Variants in PKHD1L1 observed in about 807,000 individuals in gnomAD.
PKHD1L1 encodes the protein PKHD1 like 1.
Under a neutral mutation model 462.9 loss-of-function variants are expected in PKHD1L1, and 434 were observed. The observed-to-expected ratio is 0.94, with a 90% CI of 0.87 to 1.02. The LOEUF (loss-of-function observed/expected upper bound fraction) is 1.02. Among genes scored for constraint, PKHD1L1 ranks in the 50% least tolerant of loss-of-function variants. The pLI, the probability that PKHD1L1 is intolerant of heterozygous loss-of-function variation, is 0.00. For missense variants in PKHD1L1, 5,202 were observed against 5,096.1 expected (o/e 1.02, Z -0.63); for synonymous variants, 1,781 against 1,750.0 (o/e 1.02, Z -0.44).
chr8:109,362,734 G>A (rs1313844685), intron 1 of PKHD1L1, 81 bp downstream of exon 1: 3 of 1,452,806 alleles, frequency 2.1e-6, no homozygotes, highest in African/African-American at 2.8e-5. Context: ...CCTGGGAGAG[G>A]CAGGACCACC....
At chr8:109,471,893 G>T (rs927403414) in intron 50 of PKHD1L1, among the ~76,000 whole-genome samples, 1 of 152,008 alleles carries the variant, frequency 6.6e-6, no homozygotes, top group African/African-American at 2.4e-5. Flanking sequence ...ATGGTTTGTT[G>T]CCTACCTAGC....
chr8:109,379,044 G>A (rs1342695731), intron 2 of PKHD1L1, among the ~76,000 whole-genome samples: 1 of 152,148 alleles, frequency 6.6e-6, no homozygotes, highest in Non-Finnish European at 1.5e-5. Flanking sequence ...TGGCCATGGG[G>A]TGGAGGCCAT....
chr8:109,400,292 G>A lies in PKHD1L1; in HGVS notation c.1229G>A (p.Gly410Asp). The A allele has an allele frequency of 1.2e-6, 2 of 1,613,474 alleles. No homozygotes were observed. Among genetic ancestry groups the A allele is most frequent in the African/African-American group, 1.3e-5 (1 of 74,996 alleles). ...GATGTTTATAGATTCTACATCAAGG[G>A]TGATGACCGTTATGCTATTTATTTT... is the stretch of plus-strand genomic sequence containing the variant. ...DSDVYRFYIK[G>D]DDRYAIYFSQ... Residue 410 changes from glycine to aspartate, a missense_variant, in exon 13 of 78, where the codon GGT becomes GAT. Around this residue, in one of 3 missense-constraint regions of PKHD1L1, gnomAD observed 4,497 missense variants for 4,336.8 expected, o/e 1.04. Transcript: ENST00000378402.
At chr8:109,417,623 A>G (rs1280599824) in intron 21 of PKHD1L1, among the ~76,000 whole-genome samples, 1 of 152,028 alleles carries the variant, frequency 6.6e-6, no homozygotes, top group Non-Finnish European at 1.5e-5. Flanking sequence ...AGCTCACTGC[A>G]ACCTCCACCT....
At chr8:109,399,513 C>T (rs112581739) in intron 12 of PKHD1L1, among the ~76,000 whole-genome samples, 1,708 of 152,018 alleles carry the variant, frequency 0.011, 37 homozygotes, top group African/African-American at 0.039. Flanking sequence ...TGAGAGTATC[C>T]TGTTTTTGAT....
intron 31 of PKHD1L1, 32 bp downstream of exon 31, chr8:109,438,488 G>A: frequency 6.6e-7 from 1 of 1,506,700 alleles, no homozygotes; most frequent in Non-Finnish European, 8.9e-7. Context: ...TTGGTCATTT[G>A]TCCTATGTAT....
chr8:109,391,749 G>A (rs1304615670), intron 9 of PKHD1L1, among the ~76,000 whole-genome samples: 2 of 152,162 alleles, frequency 1.3e-5, no homozygotes, highest in Non-Finnish European at 2.9e-5. Flanking sequence ...CTAAGTAGAT[G>A]TTATTCCTAG....
intron 40 of PKHD1L1, among the ~76,000 whole-genome samples, chr8:109,449,842 T>C (rs1816382809): frequency 6.6e-6 from 1 of 152,218 alleles, no homozygotes. Context: ...TCAACGCCGA[T>C]AGTGCATTGC....
Position 109,532,823 on chromosome 8 carries a change from A to G in PKHD1L1, c.*2733A>G, listed in dbSNP as rs1327328987. Among the ~76,000 whole-genome samples the G allele has an allele frequency of 6.6e-6, 1 of 152,156 alleles. No homozygotes were observed. Among genetic ancestry groups the G allele is most frequent in the Non-Finnish European group, 1.5e-5 (1 of 68,022 alleles). On this transcript the variant is annotated 3_prime_UTR_variant, in exon 78 of 78. Transcript: ENST00000378402. Reference sequence around the variant, plus strand: ...TCTGTTTTTACCTTTTATCCATTTTATCCCCAAAAGTGCTATTTAAAATAT... The same window carrying G: ...TCTGTTTTTACCTTTTATCCATTTTGTCCCCAAAAGTGCTATTTAAAATAT...
intron 38 of PKHD1L1, among the ~76,000 whole-genome samples, chr8:109,447,137 C>T (rs948677503): frequency 5.3e-5 from 8 of 152,048 alleles, no homozygotes; most frequent in African/African-American, 1.2e-4. Flanking sequence ...GCAGGAGAAT[C>T]GCTTGAATCC....
intron 2 of PKHD1L1, among the ~76,000 whole-genome samples, chr8:109,373,508 G>T (rs1325174436): frequency 6.6e-6 from 1 of 152,072 alleles, no homozygotes; most frequent in Non-Finnish European, 1.5e-5. Flanking sequence ...ATTTCCTTCA[G>T]TTCTGCTCTG....
chr8:109,486,714 G>T lies in PKHD1L1; in HGVS notation c.9773G>T (p.Ser3258Ile), dbSNP rs779451711. 2 of 1,612,498 alleles carry T rather than the reference G, an allele frequency of 1.2e-6. No individual in the cohort carries two copies. The highest frequency in any genetic ancestry group is 1.7e-6 in the Non-Finnish European group (2 of 1,178,900). ...TTAGCAGCTGATGTTGGGATACTGA[G>T]TAGGAACATCAAAATAGTTGGTGAA... Reference protein sequence around the residue: ...YTLAADVGILSRNIKIVGEDY... With the variant: ...YTLAADVGILIRNIKIVGEDY... The change falls in exon 59 of 78, where the codon AGT becomes ATT. Residue 3258 changes from serine (S) to isoleucine (I), a missense_variant. Transcript: ENST00000378402.
At chr8:109,371,423 G>T (rs1811501108) in intron 2 of PKHD1L1, among the ~76,000 whole-genome samples, 2 of 151,034 alleles carry the variant, frequency 1.3e-5, no homozygotes, top group African/African-American at 2.4e-5. Context: ...CAGATGAGTA[G>T]GTTGCGAAAA....
At chr8:109,406,570 T>C in intron 17 of PKHD1L1, 92 bp downstream of exon 17, 4 of 1,338,372 alleles carry the variant, frequency 3.0e-6, no homozygotes, top group East Asian at 2.6e-5. Context: ...AGAAAAAGAC[T>C]TGGTTAATCT....
chr8:109,373,715 C>T (rs924497353), intron 2 of PKHD1L1, among the ~76,000 whole-genome samples: 2 of 152,148 alleles, frequency 1.3e-5, no homozygotes, highest in Admixed American at 6.6e-5. Context: ...TCTTTGTCCT[C>T]GTTGGTTTCA....
At chr8:109,409,768 T>TATTAAAACTAATTA (rs1813739603) in intron 18 of PKHD1L1, 97 bp from the exon 19 acceptor site, 3 of 533,008 alleles carry the variant, frequency 5.6e-6, no homozygotes, top group Admixed American at 8.4e-5. Flanking sequence ...ATTATGAAAA[T>TATTAAAACTAATTA]GTCCTATTAA....
chr8:109,376,605 G>C (rs1008128577), intron 2 of PKHD1L1, among the ~76,000 whole-genome samples: 64 of 152,270 alleles, frequency 4.2e-4, no homozygotes, highest in African/African-American at 1.5e-3. Context: ...GCTGGGAGCT[G>C]TAGACTGGAG....
chr8:109,445,742 T>A (rs1816102032), intron 38 of PKHD1L1, 97 bp downstream of exon 38: 1 of 1,237,768 alleles, frequency 8.1e-7, no homozygotes, highest in Non-Finnish European at 1.1e-6. Context: ...TATTAAGGTG[T>A]GTTTATAAAT....
intron 3 of PKHD1L1, 62 bp from the exon 4 acceptor site, chr8:109,382,401 A>G: frequency 1.5e-6 from 2 of 1,356,106 alleles, no homozygotes; most frequent in Non-Finnish European, 2.0e-6. Context: ...ATTTTTCATT[A>G]ATACTATACA....
Sources: allele counts gnomAD v4.1 joint callset (sites outside exome capture counted in the v4.1 genomes callset), GRCh38; gene constraint gnomAD v4.1.1; regional missense constraint gnomAD v4.1.1; transcripts MANE v1.5; gene names NCBI Gene and HGNC (gene_info 2026-07-23, HGNC 2026-07-21).